Variants in TBL1X observed in about 807,000 individuals in gnomAD.
TBL1X encodes transducin beta like 1 X-linked.
In TBL1X, 10 loss-of-function variants were observed where a neutral mutation model predicts 50.7. The observed-to-expected ratio is 0.20, with a 90% CI of 0.12 to 0.33. The LOEUF (loss-of-function observed/expected upper bound fraction) is 0.33. Among genes scored for constraint, TBL1X ranks in the 10% least tolerant of loss-of-function variants. TBL1X has a pLI of 1.00. For missense variants in TBL1X, 340 were observed against 504.4 expected (o/e 0.67, Z 3.12); for synonymous variants, 190 against 214.7 (o/e 0.88, Z 1.01).
intron 1 of TBL1X, among the ~76,000 whole-genome samples, chrX:9,497,408 CAAAAA>C (rs35402306): frequency 3.3e-5 from 1 of 30,408 alleles, no homozygotes; most frequent in African/African-American, 1.5e-4. Flanking sequence ...GACTCCATCT[CAAAAA>C]AAAAAAAAAA....
At chrX:9,613,963 G>A (rs1286061156) in intron 2 of TBL1X, among the ~76,000 whole-genome samples, 1 of 92,565 alleles carries the variant, frequency 1.1e-5, no homozygotes, top group African/African-American at 4.3e-5. Flanking sequence ...TCCAGCCTGG[G>A]CGACAGAGTG....
At chrX:9,597,925 GTC>G (rs1275368547) in intron 2 of TBL1X, among the ~76,000 whole-genome samples, 1 of 112,277 alleles carries the variant, frequency 8.9e-6, no homozygotes. Context: ...GTTAGTCAGT[GTC>G]TCTGTTAGGA....
At chrX:9,638,060 CTCTAT>C (rs1458875896) in intron 2 of TBL1X, 1 of 111,517 alleles carries the variant, frequency 9.0e-6, no homozygotes, top group Non-Finnish European at 1.9e-5. Context: ...GCACTGCAAG[CTCTAT>C]TCTAACCTAC....
intron 2 of TBL1X, among the ~76,000 whole-genome samples, chrX:9,615,051 G>T (rs5979134): frequency 0.016 from 1,766 of 111,619 alleles, 47 homozygotes; most frequent in African/African-American, 0.054. Context: ...CTCAGTCACC[G>T]GGACTCTGGG....
chrX:9,702,633 A>G (rs1489011358), intron 12 of TBL1X, among the ~76,000 whole-genome samples: 1 of 109,865 alleles, frequency 9.1e-6, no homozygotes, highest in East Asian at 2.8e-4. Flanking sequence ...AAACTCACAT[A>G]AGATGAGTTT....
At chrX:9,569,454 T>C (rs773303340) in intron 2 of TBL1X, among the ~76,000 whole-genome samples, 38 of 112,196 alleles carry the variant, frequency 3.4e-4, no homozygotes, top group Middle Eastern at 4.6e-3. Context: ...GTGTGTGTGT[T>C]ACATGTCCTG....
intron 2 of TBL1X, among the ~76,000 whole-genome samples, chrX:9,503,023 A>G (rs1336148910): frequency 8.9e-6 from 1 of 112,850 alleles, no homozygotes. Flanking sequence ...GGGCGGGGCC[A>G]AGATGGCCAA....
intron 2 of TBL1X, among the ~76,000 whole-genome samples, chrX:9,634,543 G>C (rs778601877): frequency 9.0e-6 from 1 of 111,108 alleles, no homozygotes; most frequent in African/African-American, 3.3e-5. Flanking sequence ...ATAGAGATGG[G>C]GTCTTGCTAT....
intron 1 of TBL1X, among the ~76,000 whole-genome samples, chrX:9,481,796 G>A (rs1282927079): frequency 1.8e-5 from 2 of 112,259 alleles, no homozygotes; most frequent in South Asian, 3.6e-4. Flanking sequence ...AGATAAATCC[G>A]TGGCTGGGCT....
chrX:9,650,373 A>G lies in TBL1X; in HGVS notation c.-42-3172A>G, dbSNP rs756350961. ...TTTTTTTCCCCCAGAGTAAAAGAGG[A>G]AAGGAGCTAGGCATGGCAAACAAGA... On this transcript the variant is annotated intron_variant, in intron 3 of 17. Coordinates refer to ENST00000645353, the MANE Select transcript of TBL1X (RefSeq NM_005647.4). Among the ~76,000 whole-genome samples, 128 of 111,426 alleles carry G rather than the reference A, an allele frequency of 1.1e-3. 1 individual carries two copies. The highest frequency in any genetic ancestry group is 3.7e-3 in the African/African-American group (115 of 30,685).
chrX:9,585,801 C>T (rs952486440), intron 2 of TBL1X, among the ~76,000 whole-genome samples: 13 of 111,685 alleles, frequency 1.2e-4, no homozygotes, highest in African/African-American at 3.9e-4. Flanking sequence ...ATTACATGTA[C>T]GGCGACCTTA....
intron 2 of TBL1X, among the ~76,000 whole-genome samples, chrX:9,557,557 G>A (rs778843774): frequency 5.4e-5 from 6 of 111,427 alleles, no homozygotes; most frequent in Admixed American, 9.6e-5. Flanking sequence ...AGTCCAGGAT[G>A]ACAGTTGGAA....
chrX:9,615,519 A>C (rs1342164255), intron 2 of TBL1X, among the ~76,000 whole-genome samples: 1 of 112,473 alleles, frequency 8.9e-6, no homozygotes, highest in Non-Finnish European at 1.9e-5. Flanking sequence ...CAACAGAGCC[A>C]TAGATGGTGT....
chrX:9,563,014 T>A (rs2082331681), intron 2 of TBL1X, among the ~76,000 whole-genome samples: 1 of 112,485 alleles, frequency 8.9e-6, no homozygotes, highest in Non-Finnish European at 1.9e-5. Flanking sequence ...ATATCTGTGG[T>A]ATTTATGGAA....
chrX:9,602,356 CT>C (rs59487875), intron 2 of TBL1X, among the ~76,000 whole-genome samples: 4,349 of 102,875 alleles, frequency 0.042, 119 homozygotes, highest in African/African-American at 0.1. Flanking sequence ...TTCTTTCTTC[CT>C]TTTTTTTTTT....
intron 15 of TBL1X, among the ~76,000 whole-genome samples, chrX:9,711,012 T>C (rs777235818): frequency 1.8e-5 from 2 of 112,085 alleles, no homozygotes; most frequent in Non-Finnish European, 3.8e-5. Flanking sequence ...TTGATAAATA[T>C]TCTACAAAAA....
chrX:9,581,123 A>G (rs1484515760), intron 2 of TBL1X, among the ~76,000 whole-genome samples: 1 of 111,753 alleles, frequency 8.9e-6, no homozygotes, highest in Non-Finnish European at 1.9e-5. Context: ...GGCTGTAGAG[A>G]AATGGTTGCA....
At chrX:9,625,023 T>C (rs2082685389) in intron 2 of TBL1X, among the ~76,000 whole-genome samples, 1 of 112,398 alleles carries the variant, frequency 8.9e-6, no homozygotes, top group Admixed American at 9.4e-5. Flanking sequence ...ATAAATATTG[T>C]TCCATTTGAA....
rs557529029 is a variant in TBL1X, at chrX:9,508,457, G to C, written c.-131+6608G>C. Among the ~76,000 whole-genome samples, 10 of 112,118 alleles carry C rather than the reference G, an allele frequency of 8.9e-5. No homozygotes were observed. The South Asian group carries it at 3.0e-3, about 33-fold the overall frequency. On this transcript the variant is annotated intron_variant, in intron 2 of 17. Transcript: ENST00000645353. ...AAACAATAGTTGCTGGCAAGGCTGT[G>C]GGGAAATAGGAATGCTTTTACACTG...
Sources: allele counts gnomAD v4.1 joint callset (sites outside exome capture counted in the v4.1 genomes callset), GRCh38; gene constraint gnomAD v4.1.1; transcripts MANE v1.5; gene names NCBI Gene and HGNC (gene_info 2026-07-23, HGNC 2026-07-21).